The following TBL1X variants were observed in gnomAD, a reference collection of about 807,000 sequenced individuals.
TBL1X encodes F-box-like/WD repeat-containing protein TBL1X.
In TBL1X, 10 loss-of-function variants were observed where a neutral mutation model predicts 50.7. The observed-to-expected ratio is 0.20, with a 90% confidence interval of 0.12 to 0.33. TBL1X has a LOEUF of 0.33. Ranked by LOEUF, TBL1X falls within the 10% of genes least tolerant of loss-of-function variation. The probability of loss-of-function intolerance (pLI) is 1.00; values close to 1 mark genes in which losing one functional copy is unlikely to be tolerated. For missense variants in TBL1X, 340 were observed against 504.4 expected, an observed-to-expected ratio of 0.67 and a Z score of 3.12; for synonymous variants, 190 against 214.7, an observed-to-expected ratio of 0.88 and a Z score of 1.01.
At chrX:9,529,163 G>T (rs2082147665) in intron 2 of TBL1X, among the ~76,000 whole-genome samples, 1 of 111,896 alleles carries the variant, frequency 8.9e-6, no homozygotes, top group Non-Finnish European at 1.9e-5. Context: ...GTGAACCACG[G>T]CCCATATTTG....
intron 15 of TBL1X, 85 bp from the exon 16 acceptor site, chrX:9,711,526 A>C (rs968505710): frequency 2.5e-5 from 23 of 921,581 alleles, no homozygotes; most frequent in Admixed American, 2.0e-4. Flanking sequence ...GGGAAAAACA[A>C]CTCCTGGAGA....
Position 9,512,514 on chromosome X carries a change from G to T in TBL1X, c.-131+10665G>T, listed in dbSNP as rs866567254. ...TCTATGTACGTTTTTTTGTTTTTTGGTTTTTTTTTGGGAGATGGAGTCTCT... is the reference window on the plus strand; with the variant it reads ...TCTATGTACGTTTTTTTGTTTTTTGTTTTTTTTTTGGGAGATGGAGTCTCT... On this transcript the variant is annotated intron_variant, in intron 2 of 17. Coordinates refer to ENST00000645353, the MANE Select transcript of TBL1X (RefSeq NM_005647.4). Among the ~76,000 whole-genome samples, 413 of 105,121 alleles carry T rather than the reference G, an allele frequency of 3.9e-3. 3 individuals carry two copies. The highest frequency in any genetic ancestry group is 0.014 in the African/African-American group (399 of 28,875). The allele number at this position is 105,121 out of a possible 115,157, so 91.3% of individuals were successfully genotyped here.
intron 1 of TBL1X, among the ~76,000 whole-genome samples, chrX:9,490,050 T>G (rs2081932776): frequency 9.0e-6 from 1 of 111,548 alleles, no homozygotes; most frequent in Non-Finnish European, 1.9e-5. Flanking sequence ...CACTGGTGCT[T>G]CTTTCTTCTG....
At chrX:9,583,610 T>C (rs1027928815) in intron 2 of TBL1X, among the ~76,000 whole-genome samples, 38 of 112,322 alleles carry the variant, frequency 3.4e-4, no homozygotes, top group African/African-American at 1.2e-3. Context: ...AGAATGCTTA[T>C]AGGAGCCAGT....
intron 2 of TBL1X, among the ~76,000 whole-genome samples, chrX:9,581,309 G>C (rs1281399908): frequency 9.0e-6 from 1 of 111,714 alleles, no homozygotes; most frequent in Non-Finnish European, 1.9e-5. Flanking sequence ...TTTTCTCATG[G>C]CCTCTTTGTG....
chrX:9,626,623 G>A (rs1217151814), intron 2 of TBL1X, among the ~76,000 whole-genome samples: 3 of 112,507 alleles, frequency 2.7e-5, no homozygotes, highest in Non-Finnish European at 5.6e-5. Flanking sequence ...TGAAGTGTTT[G>A]CTTTCCCGAT....
intron 2 of TBL1X, among the ~76,000 whole-genome samples, chrX:9,587,007 A>G (rs890267111): frequency 8.9e-6 from 1 of 112,376 alleles, no homozygotes; most frequent in Admixed American, 9.4e-5. Flanking sequence ...CCTTGTCAGT[A>G]TAATAATTGT....
At chrX:9,657,609 G>T (rs1022161380) in intron 5 of TBL1X, among the ~76,000 whole-genome samples, 4 of 112,735 alleles carry the variant, frequency 3.5e-5, no homozygotes, top group Non-Finnish European at 5.6e-5. Context: ...ACAGGCAGAA[G>T]TCAGGTCATC....
chrX:9,516,567 G>A (rs778961512), intron 2 of TBL1X, among the ~76,000 whole-genome samples: 6 of 112,189 alleles, frequency 5.3e-5, no homozygotes, highest in Non-Finnish European at 1.1e-4. Flanking sequence ...CTTTATCATC[G>A]CAGATGAAAA....
At chrX:9,513,334 C>T (rs921834206) in intron 2 of TBL1X, among the ~76,000 whole-genome samples, 3 of 110,750 alleles carry the variant, frequency 2.7e-5, no homozygotes, top group African/African-American at 9.9e-5. Flanking sequence ...ATTCCCCTCA[C>T]GAGGTGGCCT....
intron 6 of TBL1X, among the ~76,000 whole-genome samples, chrX:9,685,032 C>T (rs745581142): frequency 8.9e-6 from 1 of 112,426 alleles, no homozygotes; most frequent in Admixed American, 9.4e-5. Context: ...CATTACCGGG[C>T]TCGTTGTAGA....
intron 2 of TBL1X, among the ~76,000 whole-genome samples, chrX:9,508,558 AC>A (rs1444518138): frequency 1.8e-5 from 2 of 112,164 alleles, no homozygotes; most frequent in African/African-American, 6.5e-5. Flanking sequence ...AACCAGAAAT[AC>A]CATTTGACCC....
chrX:9,487,277 C>G (rs1463973353), intron 1 of TBL1X, among the ~76,000 whole-genome samples: 2 of 111,501 alleles, frequency 1.8e-5, no homozygotes, highest in African/African-American at 3.3e-5. Flanking sequence ...CAAAGGAGAC[C>G]CTGTACCTGT....
At chrX:9,607,245 G>A (rs889001302) in intron 2 of TBL1X, among the ~76,000 whole-genome samples, 3 of 112,967 alleles carry the variant, frequency 2.7e-5, no homozygotes, top group Non-Finnish European at 5.6e-5. Flanking sequence ...TTGAACAAAT[G>A]AGCCTCGTGA....
chrX:9,578,015 G>C (rs1694513895), intron 2 of TBL1X, among the ~76,000 whole-genome samples: 1 of 112,123 alleles, frequency 8.9e-6, no homozygotes, highest in Admixed American at 9.4e-5. Context: ...CTCTGAAATT[G>C]AATTTAGGGA....
At chrX:9,656,911 C>G (rs765043630) in intron 5 of TBL1X, among the ~76,000 whole-genome samples, 1 of 112,258 alleles carries the variant, frequency 8.9e-6, no homozygotes, top group Non-Finnish European at 1.9e-5. Flanking sequence ...CTCAGCCTAT[C>G]GCTGTCTCCC....
At chrX:9,674,907 G>A (rs1450772878) in intron 5 of TBL1X, among the ~76,000 whole-genome samples, 2 of 111,183 alleles carry the variant, frequency 1.8e-5, no homozygotes, top group African/African-American at 6.6e-5. Flanking sequence ...CTCGTTATCT[G>A]AATTTTCACC....
At chrX:9,522,094 T>A (rs1472931196) in intron 2 of TBL1X, among the ~76,000 whole-genome samples, 1 of 104,836 alleles carries the variant, frequency 9.5e-6, no homozygotes, top group Non-Finnish European at 2.0e-5. Flanking sequence ...CACTGCTCAC[T>A]GCAGCCTTGA....
chrX:9,568,234 C>T (rs758550535), intron 2 of TBL1X, among the ~76,000 whole-genome samples: 2 of 110,074 alleles, frequency 1.8e-5, no homozygotes, highest in South Asian at 3.9e-4. Context: ...GTCTGTGCAA[C>T]GTGCTGTGGC....
Sources: gnomAD v4.1 joint callset for allele counts (sites outside exome capture counted in the v4.1 genomes callset) on GRCh38, gnomAD v4.1.1 for gene constraint, MANE v1.5 for transcripts, NCBI Gene and HGNC (gene_info 2026-07-23, HGNC 2026-07-21) for gene names.